IFT56: variants seen among roughly 807,000 people sequenced by gnomAD.
The protein encoded by IFT56 is intraflagellar transport protein 56.
the IFT56 span, among the ~76,000 whole-genome samples, chr7:139,150,550 A>C: frequency 2.0e-5 from 3 of 152,172 alleles, no homozygotes; most frequent in Non-Finnish European, 4.4e-5. Context: ...TGTAGTTTAT[A>C]TATTGATTTT....
At chr7:139,177,601 A>G in the IFT56 span, among the ~76,000 whole-genome samples, 6 of 140,174 alleles carry the variant, frequency 4.3e-5, no homozygotes, top group African/African-American at 1.8e-4. Flanking sequence ...TCGGATATAC[A>G]TATATATATA....
At chr7:139,135,915 CT>C in the IFT56 span, among the ~76,000 whole-genome samples, 5 of 149,662 alleles carry the variant, frequency 3.3e-5, no homozygotes, top group Non-Finnish European at 6.0e-5. Context: ...AGTTCACTTT[CT>C]TTTTTTTTTC....
chr7:139,180,133 C>G, the IFT56 span, among the ~76,000 whole-genome samples: 1 of 150,224 alleles, frequency 6.7e-6, no homozygotes, highest in Admixed American at 6.6e-5. Context: ...GTCAGGAGAT[C>G]GAGACCATCC....
chr7:139,176,292 GC>G, the IFT56 span, among the ~76,000 whole-genome samples: 1 of 151,902 alleles, frequency 6.6e-6, no homozygotes, highest in Non-Finnish European at 1.5e-5. Context: ...TGCATTGTAT[GC>G]CTGTATCAAA....
the IFT56 span, chr7:139,172,660 A>G: frequency 1.6e-6 from 1 of 614,026 alleles, no homozygotes; most frequent in Non-Finnish European, 3.2e-6. Context: ...GATTTTTCTC[A>G]GAAAAGGACA....
chr7:139,174,990 C>T, the IFT56 span, among the ~76,000 whole-genome samples: 6 of 151,492 alleles, frequency 4.0e-5, no homozygotes, highest in Non-Finnish European at 5.9e-5. Context: ...CATCACACTA[C>T]AGTCTGGACA....
chr7:139,191,039 G>A, the IFT56 span: 3 of 152,262 alleles, frequency 2.0e-5, no homozygotes, highest in Non-Finnish European at 4.4e-5. Context: ...AGGAGTGGAA[G>A]CAGCCAAGAA....
chr7:139,155,166 T>C, the IFT56 span, among the ~76,000 whole-genome samples: 85 of 152,322 alleles, frequency 5.6e-4, no homozygotes, highest in African/African-American at 2.0e-3. Flanking sequence ...TTTGTATTGA[T>C]TGTATCCTGA....
chr7:139,178,194 T>G, the IFT56 span: 1 of 1,594,672 alleles, frequency 6.3e-7, no homozygotes, highest in Non-Finnish European at 8.6e-7. Flanking sequence ...TATGTGGGGT[T>G]TTTTTCCCCT....
the IFT56 span, among the ~76,000 whole-genome samples, chr7:139,145,616 A>T: frequency 6.6e-6 from 1 of 151,936 alleles, no homozygotes; most frequent in Non-Finnish European, 1.5e-5. Context: ...GGGTATTACC[A>T]TGTTGCCCAG....
At chr7:139,152,785 G>A in the IFT56 span, among the ~76,000 whole-genome samples, 3 of 152,100 alleles carry the variant, frequency 2.0e-5, no homozygotes, top group African/African-American at 7.2e-5. Context: ...TGTACAGTTG[G>A]TTTTTTAGTA....
the IFT56 span, among the ~76,000 whole-genome samples, chr7:139,186,061 T>C: frequency 1.3e-5 from 2 of 151,986 alleles, no homozygotes; most frequent in Non-Finnish European, 2.9e-5. Flanking sequence ...AACTAAACCA[T>C]AAAGAGAGTT....
chr7:139,174,021 A>G, the IFT56 span: 1 of 615,710 alleles, frequency 1.6e-6, no homozygotes, highest in Non-Finnish European at 3.1e-6. Context: ...ATCAATGAGG[A>G]GGCCTTTTAA....
At chr7:139,182,854 G>A in the IFT56 span, among the ~76,000 whole-genome samples, 1 of 152,156 alleles carries the variant, frequency 6.6e-6, no homozygotes, top group African/African-American at 2.4e-5. Flanking sequence ...AAAAACCAAG[G>A]CAGGAGAGTG....
chr7:139,143,806 T>G, the IFT56 span, among the ~76,000 whole-genome samples: 1 of 152,108 alleles, frequency 6.6e-6, no homozygotes, highest in Non-Finnish European at 1.5e-5. Flanking sequence ...TTTAAAACTA[T>G]ATATTTATCC....
chr7:139,137,888 G>C, the IFT56 span: 2 of 1,613,554 alleles, frequency 1.2e-6, no homozygotes, highest in Non-Finnish European at 8.5e-7. Flanking sequence ...ATACTAATTT[G>C]TGGATTGGAT....
the IFT56 span, among the ~76,000 whole-genome samples, chr7:139,164,177 C>T: frequency 6.6e-6 from 1 of 152,134 alleles, no homozygotes; most frequent in Admixed American, 6.5e-5. Flanking sequence ...GTGCTTGTTA[C>T]AGTAGTGGGC....
the IFT56 span, chr7:139,178,749 A>G: frequency 3.2e-5 from 22 of 686,756 alleles, no homozygotes; most frequent in Non-Finnish European, 5.3e-5. Flanking sequence ...GAGAAGGTGC[A>G]GTGACACACA....
chr7:139,167,798 G>A, the IFT56 span, among the ~76,000 whole-genome samples: 2 of 151,840 alleles, frequency 1.3e-5, no homozygotes, highest in Non-Finnish European at 1.5e-5. Context: ...AAAATTAGCC[G>A]GGTGTGGTGG....
Sources: allele counts gnomAD v4.1 joint callset (sites outside exome capture counted in the v4.1 genomes callset), GRCh38; gene constraint gnomAD v4.1.1; transcripts MANE v1.5; gene names NCBI Gene and HGNC (gene_info 2026-07-23, HGNC 2026-07-21).